APC: variants seen among roughly 807,000 people sequenced by gnomAD.
The protein encoded by APC is APC regulator of Wnt signaling pathway.
In APC, 72 loss-of-function variants were observed where a neutral mutation model predicts 247.0. The observed-to-expected ratio is 0.29, with a 90% CI of 0.24 to 0.35. The LOEUF (loss-of-function observed/expected upper bound fraction) is 0.35, where lower values mean the gene tolerates loss of function less well. APC is among the 10% of genes least tolerant of loss of function. The probability of loss-of-function intolerance (pLI) is 1.00; values close to 1 mark genes in which losing one functional copy is unlikely to be tolerated. For synonymous variants in APC, 1,254 were observed against 1,162.5 expected (o/e 1.08, Z -1.60); for missense variants, 3,400 against 3,360.7 (o/e 1.01, Z -0.29).
chr5:112,822,591 A>T (rs987620093), intron 11 of APC, among the ~76,000 whole-genome samples: 7 of 152,344 alleles, frequency 4.6e-5, no homozygotes, highest in Admixed American at 3.9e-4. Flanking sequence ...TTATATAACC[A>T]GCAGTGCACT....
chr5:112,756,284 G>A (rs1255608842), intron 2 of APC, among the ~76,000 whole-genome samples: 1 of 152,042 alleles, frequency 6.6e-6, no homozygotes, highest in Non-Finnish European at 1.5e-5. Context: ...AGCCTCTTCT[G>A]TGGTAAAACT....
intron 8 of APC, among the ~76,000 whole-genome samples, chr5:112,803,736 C>G (rs1156791441): frequency 6.6e-6 from 1 of 152,134 alleles, no homozygotes; most frequent in African/African-American, 2.4e-5. Flanking sequence ...CAGTCCTTGG[C>G]CTCATGGAAC....
intron 9 of APC, among the ~76,000 whole-genome samples, chr5:112,817,650 T>C (rs1236305547): frequency 6.6e-6 from 1 of 152,220 alleles, no homozygotes; most frequent in South Asian, 2.1e-4. Flanking sequence ...AGAATACTGT[T>C]TCTTTTTGAA....
chr5:112,820,023 C>T (rs547112272), intron 10 of APC, among the ~76,000 whole-genome samples: 16 of 152,202 alleles, frequency 1.1e-4, no homozygotes, highest in Middle Eastern at 3.4e-3. Flanking sequence ...ATCCACCCAG[C>T]TCTTCACTCA....
chr5:112,725,342 A>G (rs796158773), intron 1 of APC, among the ~76,000 whole-genome samples: 2 of 152,314 alleles, frequency 1.3e-5, no homozygotes, highest in African/African-American at 4.8e-5. Context: ...TTAAAGATTT[A>G]AACAGTAAGA....
At position 112,773,392 on chromosome 5, in the gene APC, A is replaced by C. The variant is rs561071393; in HGVS notation, c.423-2237A>C. On this transcript the variant is annotated intron_variant, in intron 4 of 15. Coordinates refer to ENST00000257430, the MANE Select transcript of APC (RefSeq NM_000038.6). ...CTACAAATCGGACTGCATGGAAATC[A>C]AAATTTTCTACATGGCAAAACGTTA... 4.0e-4 allele frequency among the ~76,000 whole-genome samples: 61 copies of C among 152,308 alleles called. 1 individual carries two copies. In the South Asian group the frequency reaches 0.012, roughly 29 times the overall value.
chr5:112,787,844 T>C (rs1233346744), intron 6 of APC, among the ~76,000 whole-genome samples: 1 of 152,198 alleles, frequency 6.6e-6, no homozygotes, highest in Non-Finnish European at 1.5e-5. Flanking sequence ...AAAGGTAATC[T>C]TCTATTAGCT....
Position 112,818,847 on chromosome 5 carries a change from CG to C in APC, c.934-111del, listed in dbSNP as rs71590728. 1.5e-4 allele frequency: 105 copies of C among 684,952 alleles called. 1 individual carries two copies. The highest frequency in any genetic ancestry group is 1.7e-4 in the Non-Finnish European group (77 of 457,830). The allele number at this position is 684,952 out of a possible 1,614,324, so 42.4% of individuals were successfully genotyped here. ...TTCCGGTTTTTTGTTTTTTTTTTGG[CG>C]GGGGGGGTTGTTTTGTTTTTTTAGA... On this transcript the variant is annotated intron_variant, in intron 9 of 15. Transcript: ENST00000257430.
At chr5:112,825,582 T>C (rs1454352580) in intron 11 of APC, among the ~76,000 whole-genome samples, 1 of 152,208 alleles carries the variant, frequency 6.6e-6, no homozygotes, top group African/African-American at 2.4e-5. Context: ...CCAGACCTGA[T>C]GGCTCATGCC....
At chr5:112,819,956 C>T (rs1334095219) in intron 10 of APC, among the ~76,000 whole-genome samples, 1 of 152,154 alleles carries the variant, frequency 6.6e-6, no homozygotes, top group Admixed American at 6.5e-5. Context: ...CAGCTCGGTG[C>T]TCTTCCTACT....
chr5:112,844,664 T>C lies in APC; in HGVS notation c.*538T>C. ...CTTTGCTTTACTGCATGAATGAAAC[T>C]GATGGTTCAATTTCAGAAGTAATGA... On this transcript the variant is annotated 3_prime_UTR_variant, in exon 16 of 16. Transcript: ENST00000257430. 1 of 233,310 alleles carries C rather than the reference T, an allele frequency of 4.3e-6. No individual in the cohort carries two copies. Among genetic ancestry groups the C allele is most frequent in the South Asian group, 1.8e-4 (1 of 5,560 alleles). 14.5% of individuals were successfully genotyped at this position (233,310 alleles called of 1,614,324 possible).
intron 1 of APC, among the ~76,000 whole-genome samples, chr5:112,723,549 G>A (rs192855200): frequency 6.6e-6 from 1 of 152,170 alleles, no homozygotes; most frequent in East Asian, 1.9e-4. Context: ...GTGGTATTCA[G>A]GTTTTCTTTT....
chr5:112,764,080 A>G lies in APC; in HGVS notation c.136-2246A>G, dbSNP rs1313830257. ...GTGAAACCCCGTCTCTACTATACTAAAAAAAAAAAAAAAAAATTAGCCGGG... is the reference window on the plus strand; with the variant it reads ...GTGAAACCCCGTCTCTACTATACTAGAAAAAAAAAAAAAAAATTAGCCGGG... On this transcript the variant is annotated intron_variant, in intron 2 of 15. Coordinates refer to ENST00000257430, the MANE Select transcript of APC (RefSeq NM_000038.6). 0.032 allele frequency among the ~76,000 whole-genome samples: 105 copies of G among 3,288 alleles called. No homozygotes were observed. In the South Asian group the frequency reaches 0.5, roughly 16 times the overall value. 2.2% of individuals were successfully genotyped at this position (3,288 alleles called of 152,430 possible).
At chr5:112,723,641 G>A (rs139710993) in intron 1 of APC, among the ~76,000 whole-genome samples, 4 of 152,206 alleles carry the variant, frequency 2.6e-5, no homozygotes, top group East Asian at 3.9e-4. Context: ...TGTGTTGACC[G>A]GAATGATGAT....
In APC at chr5:112,844,859, G is replaced by C; in HGVS notation, c.*733G>C. 1 of 232,360 alleles carries C rather than the reference G, an allele frequency of 4.3e-6. No homozygotes were observed. The highest frequency in any genetic ancestry group is 1.8e-4 in the South Asian group (1 of 5,514). 14.4% of individuals were successfully genotyped at this position (232,360 alleles called of 1,614,324 possible). A position where few individuals can be genotyped will look rare whatever the true frequency, so the allele number is the denominator to read the frequency against. ...AAGTAGGTAGAATTTTTGCTATGCTGTAATTTGTTGTATATTCTGGTATTT... is the reference window on the plus strand; with the variant it reads ...AAGTAGGTAGAATTTTTGCTATGCTCTAATTTGTTGTATATTCTGGTATTT... On this transcript the variant is annotated 3_prime_UTR_variant, in exon 16 of 16. Coordinates refer to ENST00000257430, the MANE Select transcript of APC (RefSeq NM_000038.6).
intron 8 of APC, among the ~76,000 whole-genome samples, chr5:112,803,418 T>A (rs1316967138): frequency 6.6e-6 from 1 of 152,192 alleles, no homozygotes; most frequent in Non-Finnish European, 1.5e-5. Flanking sequence ...AGCTGTAGAT[T>A]AGTTAAGTGG....
intron 11 of APC, among the ~76,000 whole-genome samples, chr5:112,822,356 T>C (rs542381661): frequency 9.1e-4 from 138 of 152,324 alleles, no homozygotes; most frequent in African/African-American, 3.1e-3. Context: ...GGAGCTGCTG[T>C]ATTGTGATTG....
At position 112,840,807 on chromosome 5, in the gene APC, A is replaced by C. The variant is rs149882057; in HGVS notation, c.5213A>C (p.His1738Pro). The change falls in exon 16 of 16, where the codon CAC becomes CCC. Residue 1738 changes from histidine to proline, a missense_variant. Around this residue, in one of 9 missense-constraint regions of APC, gnomAD observed 1,788 missense variants for 1,649.5 expected, o/e 1.08. Coordinates refer to ENST00000257430, the MANE Select transcript of APC (RefSeq NM_000038.6). The surrounding 1 kb of genome is among the most constrained non-coding windows in gnomAD (Gnocchi z 4.1). ...TCTGCTATGCCCAAAGGGAAAAGTCACAAGCCTTTCCGTGTGAAAAAGATA... is the reference window on the plus strand; with the variant it reads ...TCTGCTATGCCCAAAGGGAAAAGTCCCAAGCCTTTCCGTGTGAAAAAGATA... Reference protein sequence around the residue: ...INSAMPKGKSHKPFRVKKIMD... With the variant: ...INSAMPKGKSPKPFRVKKIMD... 4.3e-6 allele frequency: 7 copies of C among 1,614,152 alleles called. No homozygotes were observed. In the East Asian group the frequency reaches 1.6e-4, roughly 36 times the overall value.
chr5:112,795,022 T>A (rs184817199), intron 7 of APC, among the ~76,000 whole-genome samples: 1 of 152,188 alleles, frequency 6.6e-6, no homozygotes, highest in East Asian at 1.9e-4. Context: ...TAGCACTTCA[T>A]TGTTTTGTTT....
Sources: allele counts gnomAD v4.1 joint callset (sites outside exome capture counted in the v4.1 genomes callset), GRCh38; gene constraint gnomAD v4.1.1; regional missense constraint gnomAD v4.1.1; non-coding constraint Gnocchi (gnomAD v3.1); transcripts MANE v1.5; gene names NCBI Gene and HGNC (gene_info 2026-07-23, HGNC 2026-07-21).